XYLB: variants seen among roughly 807,000 people sequenced by gnomAD.
XYLB encodes the protein xylulokinase.
Under a neutral mutation model 78.7 loss-of-function variants are expected in XYLB, and 62 were observed. The observed-to-expected ratio is 0.79, with a 90% CI of 0.64 to 0.97. The LOEUF (loss-of-function observed/expected upper bound fraction) is 0.97, where lower values mean the gene tolerates loss of function less well. Ranked by LOEUF, XYLB falls within the 50% of genes least tolerant of loss-of-function variation. The pLI is 0.00. For missense variants in XYLB, 687 were observed against 676.8 expected (o/e 1.02, Z -0.17); for synonymous variants, 245 against 247.4 (o/e 0.99, Z 0.09).
the XYLB span, among the ~76,000 whole-genome samples, chr3:38,433,871 C>A: frequency 6.6e-6 from 1 of 152,194 alleles, no homozygotes; most frequent in East Asian, 1.9e-4. Context: ...ATAGCAGCAC[C>A]CCCTTCCTGG....
rs1460921561 is a variant in XYLB, at chr3:38,379,343, G to A, written c.1291+1G>A. Reference sequence around the variant, plus strand: ...GCAGAAGGCCTGGGCTATCGAGTCAGTAAGTGAGCCACTGGCAGCATGTGT... The same window carrying A: ...GCAGAAGGCCTGGGCTATCGAGTCAATAAGTGAGCCACTGGCAGCATGTGT... On this transcript the variant is annotated splice_donor_variant, in intron 15 of 18. Transcript: ENST00000207870. LOFTEE classifies it high-confidence loss of function. 1.2e-6 allele frequency: 2 copies of A among 1,614,074 alleles called. No individual in the cohort carries two copies. Among genetic ancestry groups the A allele is most frequent in the South Asian group, 1.1e-5 (1 of 91,082 alleles).
At chr3:38,403,565 C>T (rs1334855245) in intron 18 of XYLB, among the ~76,000 whole-genome samples, 1 of 152,164 alleles carries the variant, frequency 6.6e-6, no homozygotes, top group African/African-American at 2.4e-5. Context: ...TCTCTCCTCA[C>T]ACACCTCTTG....
At chr3:38,441,401 C>G in the XYLB span, among the ~76,000 whole-genome samples, 1 of 152,212 alleles carries the variant, frequency 6.6e-6, no homozygotes, top group African/African-American at 2.4e-5. Flanking sequence ...CCCTTTGTAT[C>G]TTATTAGCCA....
intron 7 of XYLB, among the ~76,000 whole-genome samples, chr3:38,367,624 T>C (rs1296039372): frequency 1.3e-5 from 2 of 152,194 alleles, no homozygotes; most frequent in Admixed American, 6.5e-5. Context: ...CAGGAGGTGA[T>C]AACATTCTCT....
At chr3:38,372,300 T>C (rs2125595473) in intron 9 of XYLB, 1 of 750,210 alleles carries the variant, frequency 1.3e-6, no homozygotes. Flanking sequence ...TGCTTACTGG[T>C]GTCCTGTTAC....
At chr3:38,365,492 G>T in intron 5 of XYLB, 116 bp from the exon 6 acceptor site, 1 of 1,517,570 alleles carries the variant, frequency 6.6e-7, no homozygotes. Context: ...TCCAACCAAG[G>T]TCACCTGGGA....
chr3:38,412,971 C>G lies in XYLB; in HGVS notation c.1569C>G (p.Leu523=). 6.2e-7 allele frequency: 1 copy of G among 1,605,780 alleles called. No individual in the cohort carries two copies. Among genetic ancestry groups the G allele is most frequent in the Non-Finnish European group, 8.5e-7 (1 of 1,176,604 alleles). ...YEALLPQYAK[L]EQRILSQTRG... is the part of the protein sequence containing the mutation. ...CCCTTCTCCCCCAGTATGCCAAACT[C>G]GAGCAGAGAATCTTGTCTCAGACCC... Residue 523 remains leucine, a synonymous_variant, in exon 19 of 19, where the codon CTC becomes CTG. Transcript: ENST00000207870.
At chr3:38,448,515 T>C in the XYLB span, among the ~76,000 whole-genome samples, 1 of 152,256 alleles carries the variant, frequency 6.6e-6, no homozygotes, top group Non-Finnish European at 1.5e-5. Context: ...GTCACTTCTG[T>C]ATCTGTTCCT....
chr3:38,353,586 C>T lies in XYLB; in HGVS notation c.140+4954C>T, dbSNP rs376778011. On this transcript the variant is annotated intron_variant, in intron 2 of 18. Coordinates refer to ENST00000207870, the MANE Select transcript of XYLB (RefSeq NM_005108.4). ...TCTGCCTCCTAAAGTGCTGAGATTA[C>T]AGGCGTGAACCACCACACCCAGCCT... Among the ~76,000 whole-genome samples, 26 of 152,200 alleles carry T rather than the reference C, an allele frequency of 1.7e-4. No homozygotes were observed. In the East Asian group the frequency reaches 3.1e-3, roughly 18 times the overall value.
chr3:38,379,760 G>A (rs190887503), intron 15 of XYLB, among the ~76,000 whole-genome samples: 194 of 152,270 alleles, frequency 1.3e-3, no homozygotes, highest in African/African-American at 4.5e-3. Context: ...GACACAGTCT[G>A]GGTCTTTCAG....
chr3:38,371,447 T>A (rs559486322), intron 9 of XYLB, among the ~76,000 whole-genome samples: 25 of 152,284 alleles, frequency 1.6e-4, no homozygotes, highest in Admixed American at 9.2e-4. Flanking sequence ...CTAATTTTTT[T>A]ATATTTTTAG....
intron 17 of XYLB, among the ~76,000 whole-genome samples, chr3:38,397,556 G>A (rs535409515): frequency 6.6e-6 from 1 of 152,212 alleles, no homozygotes; most frequent in East Asian, 1.9e-4. Flanking sequence ...AAGGCTTCAG[G>A]CCCAAGCAGT....
At chr3:38,368,134 G>A (rs751793892) in intron 7 of XYLB, 51 bp from the exon 8 acceptor site, 6 of 1,560,334 alleles carry the variant, frequency 3.8e-6, no homozygotes, top group Non-Finnish European at 5.3e-6. Flanking sequence ...GCATTCAGTA[G>A]CGTAGGGTAT....
intron 3 of XYLB, among the ~76,000 whole-genome samples, chr3:38,362,716 T>A (rs949022266): frequency 2.0e-5 from 3 of 152,214 alleles, no homozygotes; most frequent in Non-Finnish European, 4.4e-5. Context: ...ATGATTCCAT[T>A]TATTTAAAAT....
At chr3:38,373,740 G>C (rs1002049965) in intron 10 of XYLB, among the ~76,000 whole-genome samples, 3 of 152,244 alleles carry the variant, frequency 2.0e-5, no homozygotes, top group African/African-American at 7.2e-5. Context: ...GAGTGCACCT[G>C]TTCCTCACTC....
chr3:38,350,050 C>T (rs978913866), intron 2 of XYLB, among the ~76,000 whole-genome samples: 10 of 152,152 alleles, frequency 6.6e-5, no homozygotes, highest in Non-Finnish European at 1.5e-4. Context: ...CAATTCAGTC[C>T]GTAACACTGT....
intron 17 of XYLB, 82 bp from the exon 18 acceptor site, chr3:38,400,809 C>A: frequency 8.6e-7 from 1 of 1,169,462 alleles, no homozygotes; most frequent in Non-Finnish European, 1.3e-6. Flanking sequence ...AGTTTGCCAC[C>A]CCAGTGAGAT....
intron 4 of XYLB, among the ~76,000 whole-genome samples, chr3:38,363,999 G>A (rs768184500): frequency 2.6e-4 from 40 of 152,220 alleles, no homozygotes; most frequent in Non-Finnish European, 4.6e-4. Context: ...GATTCCCTGG[G>A]TGATCTTGTC....
intron 6 of XYLB, 86 bp from the exon 7 acceptor site, chr3:38,366,722 G>C: frequency 1.1e-6 from 1 of 922,208 alleles, no homozygotes; most frequent in Non-Finnish European, 1.8e-6. Context: ...CCTATCCAGA[G>C]CATGCTACAT....
Sources: allele counts gnomAD v4.1 joint callset (sites outside exome capture counted in the v4.1 genomes callset), GRCh38; gene constraint gnomAD v4.1.1; transcripts MANE v1.5; gene names NCBI Gene and HGNC (gene_info 2026-07-23, HGNC 2026-07-21).